SPAG17: variants seen among roughly 807,000 people sequenced by gnomAD.
The protein encoded by SPAG17 is sperm-associated antigen 17.
A neutral mutation model predicts 273.6 loss-of-function variants in SPAG17; 169 were observed. The observed-to-expected ratio is 0.62, with a 90% CI of 0.55 to 0.70. The LOEUF is 0.70. SPAG17 is among the 30% of genes least tolerant of loss of function. The pLI is 0.00. For synonymous variants in SPAG17, 825 were observed against 873.2 expected, an observed-to-expected ratio of 0.94 and a Z score of 0.97; for missense variants, 2,557 against 2,627.8, an observed-to-expected ratio of 0.97 and a Z score of 0.59.
In SPAG17 at chr1:117,966,654, C is replaced by G. The variant is rs1449367680; in HGVS notation, c.6487G>C (p.Glu2163Gln). ...AGAACCTCATGCTCTGTCATAATCT[C>G]GATATTGTGAGAGATGTGTGCTGAT... ...KGSAHISHNI[E>Q]IMTEHEVLFL... Residue 2163 changes from glutamate to glutamine, a missense_variant, in exon 47 of 49, where the codon GAG (glutamate) becomes CAG (glutamine). Coordinates refer to ENST00000336338, the MANE Select transcript of SPAG17 (RefSeq NM_206996.4). The G allele has an allele frequency of 6.2e-7, 1 of 1,613,796 alleles. No homozygotes were observed. The highest frequency in any genetic ancestry group is 8.5e-7 in the Non-Finnish European group (1 of 1,179,896).
At chr1:118,130,249 T>A (rs965672662) in intron 3 of SPAG17, among the ~76,000 whole-genome samples, 8 of 152,158 alleles carry the variant, frequency 5.3e-5, no homozygotes, top group Non-Finnish European at 8.8e-5. Flanking sequence ...CTCCAGTGTA[T>A]GCTGTGTGCC....
intron 37 of SPAG17, among the ~76,000 whole-genome samples, 193 bp from the exon 38 acceptor site, chr1:117,991,099 A>G (rs1162635617): frequency 1.3e-5 from 2 of 152,210 alleles, no homozygotes; most frequent in African/African-American, 4.8e-5. Flanking sequence ...AATGATTTTA[A>G]CTTGTAAAAA....
At chr1:118,166,149 C>G (rs910399142) in intron 1 of SPAG17, among the ~76,000 whole-genome samples, 1 of 152,076 alleles carries the variant, frequency 6.6e-6, no homozygotes, top group Non-Finnish European at 1.5e-5. Flanking sequence ...TCAATATATG[C>G]TGCTGGAGAA....
intron 20 of SPAG17, among the ~76,000 whole-genome samples, chr1:118,049,691 A>G (rs1303664627): frequency 2.6e-5 from 4 of 152,238 alleles, no homozygotes; most frequent in Admixed American, 6.5e-5. Context: ...TTTGTAGGGA[A>G]TCACCAAAGA....
intron 48 of SPAG17, chr1:117,956,998 G>T (rs537393001): frequency 2.5e-5 from 33 of 1,332,558 alleles, no homozygotes; most frequent in Admixed American, 1.0e-4. Flanking sequence ...TAAAGGGAAG[G>T]ATTTAAAAAT....
chr1:118,129,973 GGT>G (rs751698730), intron 3 of SPAG17, among the ~76,000 whole-genome samples: 4 of 151,990 alleles, frequency 2.6e-5, no homozygotes, highest in Admixed American at 6.6e-5. Context: ...CTAAGTTCTT[GGT>G]TTCTCCACAA....
chr1:118,086,639 G>T (rs141927235), intron 12 of SPAG17, 32 bp downstream of exon 12: 1 of 1,575,924 alleles, frequency 6.3e-7, no homozygotes, highest in Non-Finnish European at 8.7e-7. Context: ...TTCCCACATC[G>T]GTTTTCCTTG....
chr1:118,049,823 A>G (rs1039032438), intron 20 of SPAG17, among the ~76,000 whole-genome samples: 3 of 152,216 alleles, frequency 2.0e-5, no homozygotes, highest in Non-Finnish European at 2.9e-5. Context: ...CACAGCAGGA[A>G]TGCCAGATGA....
rs904130945 is a variant in SPAG17 at position 118,167,776 on chromosome 1, G to T, written c.88-16407C>A. 3.3e-5 allele frequency among the ~76,000 whole-genome samples: 5 copies of T among 152,256 alleles called. No homozygotes were observed. The South Asian group carries it at 1.0e-3, about 32-fold the overall frequency. On this transcript the variant is annotated intron_variant, in intron 1 of 48. Transcript: ENST00000336338. The stretch of plus-strand genomic sequence containing the variant: ...CCCCACCCAAATCTCATGCTCAGTT[G>T]TAATCTCCGGTGTTGGAGGTGGGGC...
intron 24 of SPAG17, 139 bp downstream of exon 24, chr1:118,036,631 C>G: frequency 8.1e-6 from 5 of 617,432 alleles, no homozygotes; most frequent in Non-Finnish European, 1.2e-5. Context: ...CACACCTCTT[C>G]TATTACCATC....
chr1:118,090,225 C>A (rs781765305), intron 10 of SPAG17, among the ~76,000 whole-genome samples: 1 of 152,148 alleles, frequency 6.6e-6, no homozygotes, highest in Admixed American at 6.5e-5. Flanking sequence ...ATATGTGCTA[C>A]TAGTATGAAT....
In SPAG17 at chr1:118,101,727, G is replaced by A. The variant is rs765940123; in HGVS notation, c.634+13C>T. 1.0e-5 allele frequency: 16 copies of A among 1,605,932 alleles called. No homozygotes were observed. The highest frequency in any genetic ancestry group is 1.3e-5 in the Non-Finnish European group (15 of 1,177,854). On this transcript the variant is annotated intron_variant, in intron 5 of 48. Transcript: ENST00000336338. ...CTCGTGAAAGGCACCGCCGGCAGCAGCACCTTACTGACCAATGTAACGATT... is the reference window on the plus strand; with the variant it reads ...CTCGTGAAAGGCACCGCCGGCAGCAACACCTTACTGACCAATGTAACGATT...
Position 117,992,582 on chromosome 1 carries a change from G to T in SPAG17, c.5245C>A (p.Leu1749Ile), listed in dbSNP as rs1657225158. The change falls in exon 36 of 49, where the codon CTA (leucine) becomes ATA (isoleucine). Residue 1749 changes from leucine to isoleucine, a missense_variant. Coordinates refer to ENST00000336338, the MANE Select transcript of SPAG17 (RefSeq NM_206996.4). The part of the protein sequence containing the change: ...WKGLCIESKQ[L>I]VSAPGAILKS... ...AGTATGGCACCCGGGGCACTCACTA[G>T]CTGTTTGGACTCAATGCAAAGGCCT... 6.8e-6 allele frequency: 11 copies of T among 1,613,656 alleles called. No homozygotes were observed. In the East Asian group the frequency reaches 2.5e-4, roughly 36 times the overall value.
chr1:118,097,934 A>C, intron 6 of SPAG17, 83 bp from the exon 7 acceptor site: 3 of 877,414 alleles, frequency 3.4e-6, no homozygotes, highest in South Asian at 2.0e-5. Flanking sequence ...AGTCATATGC[A>C]TTGCAAGATA....
intron 17 of SPAG17, among the ~76,000 whole-genome samples, chr1:118,070,139 C>T (rs1490823092): frequency 1.3e-5 from 2 of 151,778 alleles, no homozygotes; most frequent in Admixed American, 6.6e-5. Flanking sequence ...AAATTGAAAG[C>T]CAACTTCAAC....
At position 118,074,553 on chromosome 1, in the gene SPAG17, C is replaced by T. The variant is rs1452314196; in HGVS notation, c.2257G>A (p.Asp753Asn). Reference sequence around the variant, plus strand: ...TAATTCCTTACCTTTTCATGAGAATCAGCCTTTGTGACTGCATCATCTTTG... The same window carrying T: ...TAATTCCTTACCTTTTCATGAGAATTAGCCTTTGTGACTGCATCATCTTTG... ...EIKDDAVTKADSHEKKPKKMM... is the reference protein window; with the variant it reads ...EIKDDAVTKANSHEKKPKKMM... The change falls in exon 16 of 49, where the codon GAT (aspartate) becomes AAT (asparagine). Residue 753 changes from aspartate to asparagine, a missense_variant. Transcript: ENST00000336338. 1 of 1,613,588 alleles carries T rather than the reference C, an allele frequency of 6.2e-7. No homozygotes were observed. The highest frequency in any genetic ancestry group is 8.5e-7 in the Non-Finnish European group (1 of 1,179,678).
intron 35 of SPAG17, 68 bp downstream of exon 35, chr1:117,994,338 A>T (rs1657423444): frequency 2.7e-6 from 4 of 1,482,382 alleles, no homozygotes; most frequent in Non-Finnish European, 3.6e-6. Flanking sequence ...AAGACTTAAG[A>T]CTCTGGTCCA....
Position 118,185,209 on chromosome 1 carries a change from AGC to A in SPAG17, c.-54_-53del. The A allele has an allele frequency of 1.4e-6, 2 of 1,448,668 alleles. No homozygotes were observed. Among genetic ancestry groups the A allele is most frequent in the Non-Finnish European group, 1.9e-6 (2 of 1,029,750 alleles). 89.7% of individuals were successfully genotyped at this position (1,448,668 alleles called of 1,614,324 possible). ...CTAAACTGGGCGCAGGCCCTGCCTA[AGC>A]GTCCCCGCTACCACAGTAACCGAAG... On this transcript the variant is annotated 5_prime_UTR_variant, in exon 1 of 49. Coordinates refer to ENST00000336338, the MANE Select transcript of SPAG17 (RefSeq NM_206996.4).
At chr1:118,137,122 C>G (rs755480524) in intron 3 of SPAG17, among the ~76,000 whole-genome samples, 3 of 152,044 alleles carry the variant, frequency 2.0e-5, no homozygotes, top group Non-Finnish European at 4.4e-5. Flanking sequence ...TTTGAGCATG[C>G]AACAAGAGTA....
Sources: allele counts gnomAD v4.1 joint callset (sites outside exome capture counted in the v4.1 genomes callset), GRCh38; gene constraint gnomAD v4.1.1; transcripts MANE v1.5; gene names NCBI Gene and HGNC (gene_info 2026-07-23, HGNC 2026-07-21).